EXOC4: variants seen among roughly 807,000 people sequenced by gnomAD.
EXOC4 encodes SEC8-like 1.
Under a neutral mutation model 107.2 loss-of-function variants are expected in EXOC4, and 71 were observed. The observed-to-expected ratio is 0.66, with a 90% CI of 0.55 to 0.81. The LOEUF is 0.81. Among genes scored for constraint, EXOC4 ranks in the 30% least tolerant of loss-of-function variants. The pLI, the probability that EXOC4 is intolerant of heterozygous loss-of-function variation, is 0.00. For missense variants in EXOC4, 1,108 were observed against 1,189.6 expected (o/e 0.93, Z 1.01); for synonymous variants, 456 against 441.2 (o/e 1.03, Z -0.42).
intron 5 of EXOC4, among the ~76,000 whole-genome samples, chr7:133,323,628 G>C (rs192170472): frequency 6.6e-6 from 1 of 152,260 alleles, no homozygotes; most frequent in African/African-American, 2.4e-5. Flanking sequence ...TTTTATTGAG[G>C]ATTTTTGCAT....
At chr7:133,629,601 C>A (rs1452002214) in intron 9 of EXOC4, among the ~76,000 whole-genome samples, 2 of 151,796 alleles carry the variant, frequency 1.3e-5, no homozygotes, top group Non-Finnish European at 2.9e-5. Flanking sequence ...AGTGCAGTGG[C>A]GCAATCTTGG....
chr7:134,015,144 G>A (rs1394552811), intron 17 of EXOC4, among the ~76,000 whole-genome samples: 1 of 152,132 alleles, frequency 6.6e-6, no homozygotes. Context: ...CTGGCTTTGG[G>A]TAAGCCACAA....
At chr7:133,705,275 G>T (rs529724607) in intron 10 of EXOC4, among the ~76,000 whole-genome samples, 3 of 152,232 alleles carry the variant, frequency 2.0e-5, no homozygotes, top group Admixed American at 1.3e-4. Flanking sequence ...TCTAAGGCAG[G>T]AGAATCACTT....
intron 10 of EXOC4, among the ~76,000 whole-genome samples, chr7:133,809,625 T>C (rs1406126356): frequency 6.6e-6 from 1 of 152,204 alleles, no homozygotes; most frequent in African/African-American, 2.4e-5. Flanking sequence ...GCGTTTCTAT[T>C]GGTTGTGATA....
At chr7:133,703,151 C>T (rs1247456130) in intron 10 of EXOC4, among the ~76,000 whole-genome samples, 3 of 152,160 alleles carry the variant, frequency 2.0e-5, no homozygotes, top group Non-Finnish European at 2.9e-5. Context: ...ATCATTATCA[C>T]TGAACATAGT....
intron 9 of EXOC4, among the ~76,000 whole-genome samples, chr7:133,494,116 G>C (rs977502880): frequency 8.5e-5 from 13 of 152,114 alleles, no homozygotes; most frequent in Non-Finnish European, 1.8e-4. Flanking sequence ...CTTGCTGCTT[G>C]TGAAAACAAA....
chr7:133,350,574 C>T (rs987522475), intron 5 of EXOC4, among the ~76,000 whole-genome samples: 1 of 151,978 alleles, frequency 6.6e-6, no homozygotes, highest in Admixed American at 6.6e-5. Flanking sequence ...ATTACTGTAA[C>T]TTCTAAGTAA....
chr7:133,554,644 G>A lies in EXOC4; in HGVS notation c.1417+74506G>A, dbSNP rs114408799. Among the ~76,000 whole-genome samples, 10 of 152,126 alleles carry A rather than the reference G, an allele frequency of 6.6e-5. 1 individual carries two copies. In the South Asian group the frequency reaches 1.5e-3, roughly 22 times the overall value. On this transcript the variant is annotated intron_variant, in intron 9 of 17. Coordinates refer to ENST00000253861, the MANE Select transcript of EXOC4 (RefSeq NM_021807.4). ...TTATTTGAAACCTGTCCTTTCCTAG[G>A]CCTGCTGCTTCAGGCATCTTGTAGC...
intron 14 of EXOC4, among the ~76,000 whole-genome samples, chr7:133,942,983 C>G (rs542129248): frequency 6.6e-6 from 1 of 152,178 alleles, no homozygotes; most frequent in African/African-American, 2.4e-5. Flanking sequence ...GTAATATATT[C>G]TAGATATTGC....
At chr7:133,647,600 A>G (rs1270977522) in intron 10 of EXOC4, among the ~76,000 whole-genome samples, 1 of 152,118 alleles carries the variant, frequency 6.6e-6, no homozygotes, top group Non-Finnish European at 1.5e-5. Flanking sequence ...CTCCAACTCT[A>G]TGCCTCAGGT....
At chr7:133,656,755 T>A (rs1803309397) in intron 10 of EXOC4, among the ~76,000 whole-genome samples, 1 of 152,310 alleles carries the variant, frequency 6.6e-6, no homozygotes, top group Admixed American at 6.5e-5. Context: ...GTATGATTTG[T>A]GCCAGTACAC....
At chr7:133,536,520 G>A (rs1800272841) in intron 9 of EXOC4, among the ~76,000 whole-genome samples, 1 of 151,832 alleles carries the variant, frequency 6.6e-6, no homozygotes, top group East Asian at 1.9e-4. Flanking sequence ...CATACCCATT[G>A]TCTACCCCGT....
chr7:133,502,861 T>C lies in EXOC4; in HGVS notation c.1417+22723T>C, dbSNP rs1240157366. 2.0e-5 allele frequency among the ~76,000 whole-genome samples: 3 copies of C among 152,154 alleles called. No individual in the cohort carries two copies. The East Asian group carries it at 5.8e-4, about 29-fold the overall frequency. ...AATAGCAGAGCAGCAAATCTTTTAA[T>C]TCATTCTGCCAAGTTAAAACTCATA... On this transcript the variant is annotated intron_variant, in intron 9 of 17. Coordinates refer to ENST00000253861, the MANE Select transcript of EXOC4 (RefSeq NM_021807.4).
At chr7:133,511,331 T>G (rs1157910252) in intron 9 of EXOC4, among the ~76,000 whole-genome samples, 1 of 152,090 alleles carries the variant, frequency 6.6e-6, no homozygotes, top group East Asian at 1.9e-4. Context: ...CAAAGAGGGT[T>G]TGGGTTTCTA....
At chr7:133,585,466 G>A (rs1159232904) in intron 9 of EXOC4, among the ~76,000 whole-genome samples, 4 of 152,090 alleles carry the variant, frequency 2.6e-5, no homozygotes, top group Non-Finnish European at 5.9e-5. Context: ...AAATGAACAA[G>A]AATCACTGTC....
At chr7:133,825,442 A>G (rs1797679218) in intron 11 of EXOC4, among the ~76,000 whole-genome samples, 1 of 152,172 alleles carries the variant, frequency 6.6e-6, no homozygotes, top group Admixed American at 6.5e-5. Context: ...GATGTCAACA[A>G]GGTTCAAAGT....
chr7:133,571,491 A>G (rs938083522), intron 9 of EXOC4, among the ~76,000 whole-genome samples: 1 of 152,082 alleles, frequency 6.6e-6, no homozygotes, highest in African/African-American at 2.4e-5. Context: ...CCTGGCCAAC[A>G]TGGTGAATCT....
intron 9 of EXOC4, among the ~76,000 whole-genome samples, chr7:133,577,508 G>C (rs917886350): frequency 6.6e-6 from 1 of 152,050 alleles, no homozygotes; most frequent in Non-Finnish European, 1.5e-5. Context: ...GATAACTAAG[G>C]TCCCCAAAAG....
intron 17 of EXOC4, among the ~76,000 whole-genome samples, chr7:134,023,543 A>T (rs1330107717): frequency 6.6e-6 from 1 of 152,184 alleles, no homozygotes; most frequent in Admixed American, 6.5e-5. Flanking sequence ...CTAACCTAGT[A>T]TGTTTACGAA....
Sources: gnomAD v4.1 joint callset for allele counts (sites outside exome capture counted in the v4.1 genomes callset) on GRCh38, gnomAD v4.1.1 for gene constraint, MANE v1.5 for transcripts, NCBI Gene and HGNC (gene_info 2026-07-23, HGNC 2026-07-21) for gene names.